The following SGSM1 variants were observed in gnomAD, a reference collection of about 807,000 sequenced individuals.
SGSM1 encodes small G protein signaling modulator 1, also known as RUN and TBC1 domain containing 2.
In SGSM1, 73 loss-of-function variants were observed where a neutral mutation model predicts 133.8. The ratio of observed to expected loss-of-function variants is 0.55; its 90% CI spans 0.45 to 0.66. SGSM1 has a LOEUF of 0.66. Among genes scored for constraint, SGSM1 ranks in the 30% least tolerant of loss-of-function variants. The probability of loss-of-function intolerance (pLI) is 0.00; values close to 1 mark genes in which losing one functional copy is unlikely to be tolerated. For missense variants in SGSM1, 1,213 were observed against 1,448.1 expected (o/e 0.84, Z 2.64); for synonymous variants, 563 against 573.0 (o/e 0.98, Z 0.25).
rs761830212 is a variant in SGSM1 at position 24,879,499 on chromosome 22, C to T, written c.1468C>T (p.Gln490Ter). The T allele has an allele frequency of 6.2e-7, 1 of 1,613,816 alleles. No homozygotes were observed. Among genetic ancestry groups the T allele is most frequent in the South Asian group, 1.1e-5 (1 of 90,946 alleles). ...ACTTCTCTGTGACAATATGAAGTAC[C>T]AGATCCTCTCCAGAGCCTTCTATGG... Reference protein sequence around the residue: ...LKLLCDNMKYQILSRAFYGWL... With the variant: ...LKLLCDNMKY The change falls in exon 14 of 25, where the codon CAG (glutamine) becomes TAG (stop). Residue 490 changes from glutamine to a stop codon, truncating the protein, a stop_gained. Coordinates refer to ENST00000400358, the MANE Select transcript of SGSM1 (RefSeq NM_001098497.3). LOFTEE classifies it high-confidence loss of function.
chr22:24,809,683 G>A (rs1927619304), intron 2 of SGSM1, among the ~76,000 whole-genome samples: 2 of 152,318 alleles, frequency 1.3e-5, no homozygotes, highest in South Asian at 2.1e-4. Context: ...GCTAGGTTCT[G>A]TGGATATAGC....
chr22:24,869,970 T>C (rs1931686680), intron 12 of SGSM1, among the ~76,000 whole-genome samples: 1 of 152,232 alleles, frequency 6.6e-6, no homozygotes, highest in Non-Finnish European at 1.5e-5. Flanking sequence ...AGTGGTAGGT[T>C]CTTTCTGTTC....
Position 24,847,748 on chromosome 22 carries a change from A to G in SGSM1, c.254A>G (p.Glu85Gly). The change falls in exon 4 of 25, where the codon GAG becomes GGG. Residue 85 changes from glutamate to glycine, a missense_variant. Transcript: ENST00000400358. ...GTGGGCAAGAACTTCCCGCCGGCTG[A>G]GGATCTGAGCCGCAAGGTGCAAGAC... ...MKVGKNFPPAEDLSRKVQDLE... is the reference protein window; with the variant it reads ...MKVGKNFPPAGDLSRKVQDLE... The G allele has an allele frequency of 6.2e-7, 1 of 1,613,962 alleles. No homozygotes were observed.
intron 2 of SGSM1, among the ~76,000 whole-genome samples, chr22:24,824,969 G>A (rs556714912): frequency 2.0e-5 from 3 of 152,302 alleles, no homozygotes; most frequent in South Asian, 2.1e-4. Flanking sequence ...AGGAGCACTC[G>A]AGAAATATTG....
rs189417342 is a variant in SGSM1 at position 24,814,850 on chromosome 22, C to G, written c.63+8366C>G. Among the ~76,000 whole-genome samples, 11 of 152,306 alleles carry G rather than the reference C, an allele frequency of 7.2e-5. 1 individual carries two copies. Among genetic ancestry groups the G allele is most frequent in the African/African-American group, 2.6e-4 (11 of 41,570 alleles). ...CTTGAGGTCCAAAGGGACAAGCCCTCTAATGGGCTGAGTCTTGGCTGGCTG... is the reference window on the plus strand; with the variant it reads ...CTTGAGGTCCAAAGGGACAAGCCCTGTAATGGGCTGAGTCTTGGCTGGCTG... On this transcript the variant is annotated intron_variant, in intron 2 of 24. Transcript: ENST00000400358.
chr22:24,829,159 GC>G (rs1928967089), intron 2 of SGSM1, among the ~76,000 whole-genome samples: 1 of 151,762 alleles, frequency 6.6e-6, no homozygotes, highest in African/African-American at 2.4e-5. Context: ...TCGTGCCACT[GC>G]ACTCCAGCCT....
intron 17 of SGSM1, 70 bp downstream of exon 17, chr22:24,893,683 T>C (rs551950693): frequency 7.0e-7 from 1 of 1,430,030 alleles, no homozygotes; most frequent in South Asian, 1.5e-5. Flanking sequence ...TGGGCTGTTC[T>C]AAGAGTGGTG....
At chr22:24,845,743 C>A (rs1483381514) in intron 3 of SGSM1, among the ~76,000 whole-genome samples, 1 of 152,142 alleles carries the variant, frequency 6.6e-6, no homozygotes, top group African/African-American at 2.4e-5. Context: ...GGGCCCACAA[C>A]ATGCTGAGCA....
intron 2 of SGSM1, among the ~76,000 whole-genome samples, chr22:24,807,552 C>G (rs559165010): frequency 6.6e-5 from 10 of 151,818 alleles, no homozygotes; most frequent in Non-Finnish European, 1.0e-4. Context: ...CGTCTGTGTG[C>G]GTGTGTCTTG....
chr22:24,867,110 C>G lies in SGSM1; in HGVS notation c.944C>G (p.Ala315Gly), dbSNP rs779295540. ...GCTTCCAGCGTCTACTGGGACTATG[C>G]CATGACCATCCGCTTGGAGGAGATT... ...DYEKSVYWDY[A>G]MTIRLEEIVY... Residue 315 changes from alanine (A) to glycine (G), a missense_variant, in exon 10 of 25, where the codon GCC becomes GGC. By Grantham distance (60) the Ala-to-Gly change is moderately conservative (BLOSUM62 0). Transcript: ENST00000400358. 1.1e-5 allele frequency: 17 copies of G among 1,613,756 alleles called. No individual in the cohort carries two copies. The highest frequency in any genetic ancestry group is 1.2e-5 in the Non-Finnish European group (14 of 1,179,840).
At chr22:24,861,063 G>A (rs2147863068) in intron 9 of SGSM1, among the ~76,000 whole-genome samples, 1 of 150,222 alleles carries the variant, frequency 6.7e-6, no homozygotes, top group South Asian at 2.1e-4. Context: ...GTGATGAAAA[G>A]TGTTCTCTAG....
chr22:24,881,721 A>G (rs992477421), intron 14 of SGSM1, among the ~76,000 whole-genome samples: 2 of 152,160 alleles, frequency 1.3e-5, no homozygotes, highest in African/African-American at 4.8e-5. Flanking sequence ...CCTCCTCATC[A>G]TCATCACTAT....
At chr22:24,818,441 C>T (rs946095074) in intron 2 of SGSM1, among the ~76,000 whole-genome samples, 3 of 150,360 alleles carry the variant, frequency 2.0e-5, no homozygotes. Context: ...GATCTCGGCT[C>T]AATGAAGCCT....
chr22:24,816,010 G>A (rs1928051962), intron 2 of SGSM1, among the ~76,000 whole-genome samples: 1 of 152,108 alleles, frequency 6.6e-6, no homozygotes, highest in African/African-American at 2.4e-5. Flanking sequence ...TAGTTCTATG[G>A]GATAGTTGGG....
intron 18 of SGSM1, among the ~76,000 whole-genome samples, chr22:24,895,952 G>A (rs1932904673): frequency 6.6e-6 from 1 of 152,252 alleles, no homozygotes; most frequent in African/African-American, 2.4e-5. Flanking sequence ...CGGAGGCTAA[G>A]GTGGGAGAAT....
intron 2 of SGSM1, among the ~76,000 whole-genome samples, chr22:24,839,527 T>G (rs1929668299): frequency 6.6e-6 from 1 of 152,222 alleles, no homozygotes; most frequent in Non-Finnish European, 1.5e-5. Context: ...TGCTCCTGCC[T>G]CTTTAATATT....
At chr22:24,884,695 C>A (rs1392059641) in intron 15 of SGSM1, among the ~76,000 whole-genome samples, 1 of 152,196 alleles carries the variant, frequency 6.6e-6, no homozygotes, top group Admixed American at 6.5e-5. Context: ...GGGGAAGAGG[C>A]CCCAGGGCCC....
chr22:24,898,608 A>T, intron 19 of SGSM1, 49 bp downstream of exon 19: 1 of 1,526,044 alleles, frequency 6.6e-7, no homozygotes, highest in Non-Finnish European at 8.9e-7. Context: ...CAGCTGCAGG[A>T]GGGTGGGATG....
intron 20 of SGSM1, among the ~76,000 whole-genome samples, chr22:24,904,542 T>C (rs1449504484): frequency 7.0e-6 from 1 of 141,918 alleles, no homozygotes; most frequent in Admixed American, 7.4e-5. Context: ...ATCACGCCAC[T>C]GCACTCCAGC....
Sources: allele counts gnomAD v4.1 joint callset (sites outside exome capture counted in the v4.1 genomes callset), GRCh38; gene constraint gnomAD v4.1.1; transcripts MANE v1.5; gene names NCBI Gene and HGNC (gene_info 2026-07-23, HGNC 2026-07-21).